PACSIN1: variants seen among roughly 807,000 people sequenced by gnomAD.
PACSIN1 encodes the protein protein kinase C and casein kinase substrate in neurons protein 1.
A neutral mutation model predicts 59.5 loss-of-function variants in PACSIN1; 15 were observed. That is an observed-to-expected ratio of 0.25 (90% CI 0.17 to 0.39). PACSIN1 has a LOEUF of 0.39. Ranked by LOEUF, PACSIN1 falls within the 10% of genes least tolerant of loss-of-function variation. PACSIN1 has a pLI of 1.00. For missense variants in PACSIN1, 420 were observed against 580.2 expected (o/e 0.72, Z 2.84); for synonymous variants, 210 against 220.6 (o/e 0.95, Z 0.42).
Position 34,529,623 on chromosome 6 carries a change from G to A in PACSIN1, c.613-43G>A, listed in dbSNP as rs1767553836. 2 of 1,612,622 alleles carry A rather than the reference G, an allele frequency of 1.2e-6. No homozygotes were observed. The highest frequency in any genetic ancestry group is 1.7e-5 in the Admixed American group (1 of 59,988). On this transcript the variant is annotated intron_variant, in intron 5 of 9. Transcript: ENST00000244458. This position sits in a 1 kb window ranked among gnomAD's most constrained non-coding sequence, Gnocchi z 6.3. ...CAGAGGGTGGTGGCTGGGAGCTGCA[G>A]GCCTGGCTAGGTGTCACCCTCTCTC...
chr6:34,469,686 G>A (rs553108781), intron 1 of PACSIN1, among the ~76,000 whole-genome samples: 24 of 152,322 alleles, frequency 1.6e-4, no homozygotes, highest in African/African-American at 5.3e-4. Flanking sequence ...TCCTGCAGGT[G>A]GCTCTGTGGT....
At chr6:34,528,949 G>A in intron 4 of PACSIN1, 72 bp downstream of exon 4, 1 of 1,229,886 alleles carries the variant, frequency 8.1e-7, no homozygotes, top group African/African-American at 1.5e-5. Flanking sequence ...TCCCAGGGAG[G>A]GCATCTATGG....
chr6:34,499,811 A>T (rs1315070552), intron 1 of PACSIN1, among the ~76,000 whole-genome samples: 1 of 152,062 alleles, frequency 6.6e-6, no homozygotes, highest in African/African-American at 2.4e-5. Flanking sequence ...AAAAAAAAAG[A>T]AAAAGAAAAT....
At chr6:34,517,173 G>A (rs1033056982) in intron 1 of PACSIN1, among the ~76,000 whole-genome samples, 4 of 152,098 alleles carry the variant, frequency 2.6e-5, no homozygotes, top group Admixed American at 6.5e-5. Context: ...TCATCTCACC[G>A]CCACATCCAA....
intron 1 of PACSIN1, among the ~76,000 whole-genome samples, chr6:34,524,710 G>A (rs569790943): frequency 6.6e-6 from 1 of 152,350 alleles, no homozygotes; most frequent in Admixed American, 6.5e-5. Context: ...GCATCATCTG[G>A]CTGACTGACT....
intron 1 of PACSIN1, among the ~76,000 whole-genome samples, chr6:34,511,053 T>C (rs1767195048): frequency 6.6e-6 from 1 of 152,208 alleles, no homozygotes; most frequent in South Asian, 2.1e-4. Context: ...CATTTGAACA[T>C]ATTTATGATG....
intron 3 of PACSIN1, 106 bp from the exon 4 acceptor site, chr6:34,528,536 T>A (rs890500319): frequency 7.1e-6 from 6 of 845,464 alleles, no homozygotes; most frequent in Non-Finnish European, 9.9e-6. Flanking sequence ...AGGAGGGCAT[T>A]TCTGTTGCTA....
rs900701760 is a variant in PACSIN1, at chr6:34,530,598, C to T, written c.1037+11C>T. The T allele has an allele frequency of 3.9e-6, 6 of 1,545,890 alleles. No individual in the cohort carries two copies. Among genetic ancestry groups the T allele is most frequent in the Non-Finnish European group, 5.2e-6 (6 of 1,148,264 alleles). On this transcript the variant is annotated intron_variant, in intron 8 of 9. Coordinates refer to ENST00000244458, the MANE Select transcript of PACSIN1 (RefSeq NM_020804.5). The surrounding 1 kb of genome is among the most constrained non-coding windows in gnomAD (Gnocchi z 4.4). ...TGGGGACCGCGGCAGGTGAGTGCCTCCTGTGGAGCTTCCTGGGGCCAAGAG... is the reference window on the plus strand; with the variant it reads ...TGGGGACCGCGGCAGGTGAGTGCCTTCTGTGGAGCTTCCTGGGGCCAAGAG...
chr6:34,535,204 A>G lies in PACSIN1; in HGVS notation c.*2674A>G, dbSNP rs1767674102. On this transcript the variant is annotated 3_prime_UTR_variant, in exon 10 of 10. Coordinates refer to ENST00000244458, the MANE Select transcript of PACSIN1 (RefSeq NM_020804.5). ...CAGTTGTGATTGTATGACTGTGGAT[A>G]AAATCCAGAACTGTGTCAACCTGGC... 6.6e-6 allele frequency: 1 copy of G among 152,252 alleles called. No individual in the cohort carries two copies. The highest frequency in any genetic ancestry group is 1.5e-5 in the Non-Finnish European group (1 of 68,056). 9.4% of individuals were successfully genotyped at this position (152,252 alleles called of 1,614,324 possible). A position where few individuals can be genotyped will look rare whatever the true frequency, so the allele number is the denominator to read the frequency against.
In PACSIN1 at chr6:34,530,884, C is replaced by T. The variant is rs1471851038; in HGVS notation, c.1037+297C>T. 6.6e-6 allele frequency among the ~76,000 whole-genome samples: 1 copy of T among 152,192 alleles called. No individual in the cohort carries two copies. Among genetic ancestry groups the T allele is most frequent in the African/African-American group, 2.4e-5 (1 of 41,448 alleles). ...TAAGGAACGTGCAACCTGGATCCCT[C>T]GCATGCGCAGTTCACAATAGGGGGG... On this transcript the variant is annotated intron_variant, in intron 8 of 9. Transcript: ENST00000244458. The surrounding 1 kb of genome is among the most constrained non-coding windows in gnomAD (Gnocchi z 4.4).
chr6:34,519,709 C>T (rs997106234), intron 1 of PACSIN1, among the ~76,000 whole-genome samples: 2 of 152,102 alleles, frequency 1.3e-5, no homozygotes, highest in African/African-American at 4.8e-5. Context: ...TAGGTGCTAT[C>T]ATGGGGGTAG....
intron 1 of PACSIN1, among the ~76,000 whole-genome samples, chr6:34,483,101 C>T (rs1766744346): frequency 6.7e-6 from 1 of 148,552 alleles, no homozygotes; most frequent in South Asian, 2.1e-4. Context: ...ACTTCCTGGG[C>T]TCAAGTGATC....
At chr6:34,485,780 G>A (rs1306007903) in intron 1 of PACSIN1, among the ~76,000 whole-genome samples, 3 of 152,202 alleles carry the variant, frequency 2.0e-5, no homozygotes, top group Admixed American at 1.3e-4. Flanking sequence ...GACACAGAGT[G>A]GGAGTGTGGT....
At position 34,532,104 on chromosome 6, in the gene PACSIN1, A is replaced by C. The variant is rs953421471; in HGVS notation, c.1225+317A>C. Among the ~76,000 whole-genome samples, 1 of 151,736 alleles carries C rather than the reference A, an allele frequency of 6.6e-6. No homozygotes were observed. Among genetic ancestry groups the C allele is most frequent in the Admixed American group, 6.6e-5 (1 of 15,250 alleles). ...GGGCGTGACCTGGGCCCAGGATGGG[A>C]GTGGGGGCAAGATTTAGATTGGTTG... On this transcript the variant is annotated intron_variant, in intron 9 of 9. Transcript: ENST00000244458. This position sits in a 1 kb window ranked among gnomAD's most constrained non-coding sequence, Gnocchi z 5.2.
chr6:34,491,475 G>C (rs1766875665), intron 1 of PACSIN1, among the ~76,000 whole-genome samples: 1 of 152,212 alleles, frequency 6.6e-6, no homozygotes, highest in East Asian at 1.9e-4. Flanking sequence ...AATCAGTCCT[G>C]ACACCAACTG....
Position 34,531,765 on chromosome 6 carries a change from G to C in PACSIN1, c.1203G>C (p.Gln401His). The part of the protein sequence containing the change: ...RALYDYDGQE[Q>H]DELSFKAGDE... ...TCTACGACTATGACGGCCAGGAGCAGGACGAGCTCAGCTTTAAGGCCGGTA... is the reference window on the plus strand; with the variant it reads ...TCTACGACTATGACGGCCAGGAGCACGACGAGCTCAGCTTTAAGGCCGGTA... Residue 401 changes from glutamine (Q) to histidine (H), a missense_variant, in exon 9 of 10, where the codon CAG (glutamine) becomes CAC (histidine). Gln to His is a conservative substitution (Grantham distance 24). Transcript: ENST00000244458. The surrounding 1 kb of genome is among the most constrained non-coding windows in gnomAD (Gnocchi z 4.4). The C allele has an allele frequency of 6.3e-7, 1 of 1,578,060 alleles. No homozygotes were observed. Among genetic ancestry groups the C allele is most frequent in the Non-Finnish European group, 8.6e-7 (1 of 1,159,852 alleles).
chr6:34,499,891 A>C (rs1018890678), intron 1 of PACSIN1, among the ~76,000 whole-genome samples: 4 of 152,240 alleles, frequency 2.6e-5, no homozygotes, highest in Non-Finnish European at 5.9e-5. Flanking sequence ...AGCACAGGCA[A>C]CAAAAGGAAA....
intron 2 of PACSIN1, 138 bp from the exon 3 acceptor site, chr6:34,527,193 CG>C: frequency 1.5e-6 from 1 of 683,262 alleles, no homozygotes; most frequent in Non-Finnish European, 1.9e-6. Context: ...GGGCGGGGGG[CG>C]GGGGCGGGGG....
At chr6:34,501,874 C>CA (rs939681902) in intron 1 of PACSIN1, among the ~76,000 whole-genome samples, 1 of 151,374 alleles carries the variant, frequency 6.6e-6, no homozygotes, top group African/African-American at 2.4e-5. Context: ...ACTAAAAATA[C>CA]AAAAAAAATT....
Sources: allele counts gnomAD v4.1 joint callset (sites outside exome capture counted in the v4.1 genomes callset), GRCh38; gene constraint gnomAD v4.1.1; non-coding constraint Gnocchi (gnomAD v3.1); transcripts MANE v1.5; gene names NCBI Gene and HGNC (gene_info 2026-07-23, HGNC 2026-07-21).